Variants in CCSER2 observed in about 807,000 individuals in gnomAD.
The protein encoded by CCSER2 is serine-rich coiled-coil domain-containing protein 2.
Under a neutral mutation model 92.3 loss-of-function variants are expected in CCSER2, and 46 were observed. The ratio of observed to expected loss-of-function variants is 0.50; its 90% CI spans 0.39 to 0.64. The LOEUF (loss-of-function observed/expected upper bound fraction) is 0.64, where lower values mean the gene tolerates loss of function less well. Among genes scored for constraint, CCSER2 ranks in the 30% least tolerant of loss-of-function variants. The pLI, the probability that CCSER2 is intolerant of heterozygous loss-of-function variation, is 0.00. For synonymous variants in CCSER2, 433 were observed against 431.4 expected, an observed-to-expected ratio of 1.00 and a Z score of -0.04; for missense variants, 1,244 against 1,238.9, an observed-to-expected ratio of 1.00 and a Z score of -0.06.
chr10:84,396,187 G>GTGTC (rs1841823114), intron 3 of CCSER2, among the ~76,000 whole-genome samples: 1 of 54,702 alleles, frequency 1.8e-5, no homozygotes, highest in African/African-American at 2.3e-4. Context: ...ATTCAACACT[G>GTGTC]TGTGTGTGTG....
chr10:84,391,243 CA>C, intron 3 of CCSER2: 13 of 1,340,954 alleles, frequency 9.7e-6, no homozygotes, highest in Non-Finnish European at 1.4e-5. Context: ...TTGCCCAAGC[CA>C]TGCTAAACAA....
At chr10:84,340,065 A>G (rs771248264) in intron 1 of CCSER2, among the ~76,000 whole-genome samples, 9 of 151,772 alleles carry the variant, frequency 5.9e-5, no homozygotes, top group Admixed American at 2.0e-4. Flanking sequence ...CTGGTCTTGA[A>G]TTCCTGACCT....
intron 5 of CCSER2, among the ~76,000 whole-genome samples, chr10:84,437,902 T>C (rs34719223): frequency 0.21 from 31,786 of 151,722 alleles, 3,584 homozygotes; most frequent in Admixed American, 0.34. Flanking sequence ...TTAGTAGGGA[T>C]GAGGTTTCAC....
intron 1 of CCSER2, among the ~76,000 whole-genome samples, chr10:84,360,441 T>C (rs1845435305): frequency 6.6e-6 from 1 of 152,246 alleles, no homozygotes; most frequent in Non-Finnish European, 1.5e-5. Context: ...ATAAGTTGTC[T>C]TTGCAGTAAG....
chr10:84,454,024 A>C (rs1012774507), intron 6 of CCSER2, among the ~76,000 whole-genome samples: 2 of 152,114 alleles, frequency 1.3e-5, no homozygotes, highest in Non-Finnish European at 2.9e-5. Flanking sequence ...ATAACAGATT[A>C]CCACACCTTG....
intron 4 of CCSER2, among the ~76,000 whole-genome samples, chr10:84,420,568 A>G (rs906116119): frequency 6.6e-6 from 1 of 152,152 alleles, no homozygotes; most frequent in Non-Finnish European, 1.5e-5. Context: ...GAGTCTAATA[A>G]TGTGCTTTCC....
intron 6 of CCSER2, among the ~76,000 whole-genome samples, chr10:84,458,446 G>A (rs954817742): frequency 1.3e-5 from 2 of 152,128 alleles, no homozygotes; most frequent in Admixed American, 6.5e-5. Flanking sequence ...GAGCTTTATA[G>A]TAAGTCTTTA....
chr10:84,371,817 G>A lies in CCSER2; in HGVS notation c.765G>A (p.Gln255=). ...CTGTGGATCTTACAAAGCCTTATCAGAACCAACAGCTATCCATTAGAGTGC... is the reference window on the plus strand; with the variant it reads ...CTGTGGATCTTACAAAGCCTTATCAAAACCAACAGCTATCCATTAGAGTGC... ...NRAVDLTKPY[Q]NQQLSIRVPL... Residue 255 remains glutamine, a synonymous_variant, in exon 2 of 10, where the codon CAG becomes CAA. Coordinates refer to ENST00000372088, the MANE Select transcript of CCSER2 (RefSeq NM_001284240.2). 1 of 1,613,846 alleles carries A rather than the reference G, an allele frequency of 6.2e-7. No individual in the cohort carries two copies. The highest frequency in any genetic ancestry group is 1.3e-5 in the African/African-American group (1 of 74,982).
intron 3 of CCSER2, among the ~76,000 whole-genome samples, chr10:84,377,998 C>T (rs1223200674): frequency 3.9e-5 from 6 of 152,128 alleles, no homozygotes; most frequent in African/African-American, 1.4e-4. Flanking sequence ...TATATACATT[C>T]TATAATCATA....
Position 84,461,498 on chromosome 10 carries a change from T to TG in CCSER2, c.2065-2434dup, listed in dbSNP as rs568431057. On this transcript the variant is annotated intron_variant, in intron 6 of 9. Coordinates refer to ENST00000372088, the MANE Select transcript of CCSER2 (RefSeq NM_001284240.2). ...GTCAATTTTTTTTGACCAATCTTGT[T>TG]GCTCTTCATCATTCAGATTGGATAA... Among the ~76,000 whole-genome samples the TG allele has an allele frequency of 2.7e-3, 406 of 152,318 alleles. 2 individuals are homozygous for TG. The highest frequency in any genetic ancestry group is 9.0e-3 in the African/African-American group (373 of 41,576).
At chr10:84,354,516 T>G (rs1452534890) in intron 1 of CCSER2, among the ~76,000 whole-genome samples, 1 of 151,976 alleles carries the variant, frequency 6.6e-6, no homozygotes, top group African/African-American at 2.4e-5. Context: ...TTCTTTACTC[T>G]TGGATCATAC....
chr10:84,405,198 C>A (rs185711302), intron 3 of CCSER2, among the ~76,000 whole-genome samples: 7 of 152,220 alleles, frequency 4.6e-5, no homozygotes, highest in Admixed American at 2.0e-4. Flanking sequence ...GGATCTTTGA[C>A]AAAGATGTAA....
At chr10:84,329,331 C>T (rs1198122834) in intron 1 of CCSER2, among the ~76,000 whole-genome samples, 7 of 152,208 alleles carry the variant, frequency 4.6e-5, no homozygotes, top group Non-Finnish European at 1.0e-4. Context: ...AATAATGCAC[C>T]TACTTTCTTG....
At chr10:84,360,966 A>G (rs1234122782) in intron 1 of CCSER2, among the ~76,000 whole-genome samples, 1 of 152,110 alleles carries the variant, frequency 6.6e-6, no homozygotes, top group Non-Finnish European at 1.5e-5. Flanking sequence ...CTCCACATGC[A>G]CTGGATTTTT....
intron 3 of CCSER2, among the ~76,000 whole-genome samples, chr10:84,416,361 G>C (rs1385511467): frequency 6.6e-6 from 1 of 152,094 alleles, no homozygotes; most frequent in Admixed American, 6.5e-5. Flanking sequence ...GAGTGCCGCA[G>C]ACTGTAACTG....
chr10:84,510,902 C>T (rs567002903), intron 9 of CCSER2, among the ~76,000 whole-genome samples: 10 of 152,158 alleles, frequency 6.6e-5, no homozygotes, highest in African/African-American at 2.4e-4. Context: ...TCTTATTCCT[C>T]GTGAAAGAGA....
chr10:84,456,664 T>G (rs570871586), intron 6 of CCSER2, among the ~76,000 whole-genome samples: 1 of 152,184 alleles, frequency 6.6e-6, no homozygotes, highest in African/African-American at 2.4e-5. Context: ...ACTACCAAAC[T>G]GTTTTCCTTG....
rs757305301 is a variant in CCSER2, at chr10:84,371,645, G to A, written c.593G>A (p.Ser198Asn). ...PRANSCATRSSSGESLAQSPD... is the reference protein window; with the variant it reads ...PRANSCATRSNSGESLAQSPD... The stretch of plus-strand genomic sequence containing the variant: ...GCGAACTCCTGTGCCACCAGAAGCA[G>A]TTCTGGAGAAAGCTTAGCTCAATCC... The change falls in exon 2 of 10, where the codon AGT (serine) becomes AAT (asparagine). Residue 198 changes from serine (S) to asparagine (N), a missense_variant. Coordinates refer to ENST00000372088, the MANE Select transcript of CCSER2 (RefSeq NM_001284240.2). The A allele has an allele frequency of 3.7e-6, 6 of 1,612,884 alleles. No individual in the cohort carries two copies. The highest frequency in any genetic ancestry group is 3.3e-5 in the South Asian group (3 of 91,048).
intron 3 of CCSER2, among the ~76,000 whole-genome samples, chr10:84,375,535 GTTT>G (rs5786655): frequency 1.1e-4 from 14 of 128,764 alleles, no homozygotes; most frequent in Admixed American, 2.3e-4. Flanking sequence ...TTGTTGGTTT[GTTT>G]TTTTTTTTTT....
Sources: allele counts gnomAD v4.1 joint callset (sites outside exome capture counted in the v4.1 genomes callset), GRCh38; gene constraint gnomAD v4.1.1; transcripts MANE v1.5; gene names NCBI Gene and HGNC (gene_info 2026-07-23, HGNC 2026-07-21).